NT5C2: variants seen among roughly 807,000 people sequenced by gnomAD.
NT5C2 encodes 5'-nucleotidase, cytosolic II, also known as cytosolic purine 5'-nucleotidase.
In NT5C2, 58 loss-of-function variants were observed where a neutral mutation model predicts 76.1. The observed-to-expected ratio is 0.76, with a 90% CI of 0.62 to 0.95. NT5C2 has a LOEUF of 0.95. Ranked by LOEUF, NT5C2 falls within the 40% of genes least tolerant of loss-of-function variation. The probability of loss-of-function intolerance (pLI) is 0.00; values close to 1 mark genes in which losing one functional copy is unlikely to be tolerated. For synonymous variants in NT5C2, 229 were observed against 237.4 expected (o/e 0.96, Z 0.32); for missense variants, 478 against 690.3 (o/e 0.69, Z 3.45).
chr10:103,094,707 A>C lies in NT5C2; in HGVS notation c.814-252T>G, dbSNP rs759753235. Among the ~76,000 whole-genome samples, 18 of 151,860 alleles carry C rather than the reference A, an allele frequency of 1.2e-4. 1 individual carries two copies. Among genetic ancestry groups the C allele is most frequent in the East Asian group, 3.9e-4 (2 of 5,186 alleles). On this transcript the variant is annotated intron_variant, in intron 12 of 18. Coordinates refer to ENST00000404739, the MANE Select transcript of NT5C2 (RefSeq NM_001351169.2). Reference sequence around the variant, plus strand: ...GACCATCCTGGCCAACATGGTGAAAACCTGTCTCTACTAAAACTACAAAAA... The same window carrying C: ...GACCATCCTGGCCAACATGGTGAAACCCTGTCTCTACTAAAACTACAAAAA...
chr10:103,137,256 G>A (rs1409793103), intron 4 of NT5C2, among the ~76,000 whole-genome samples: 1 of 152,110 alleles, frequency 6.6e-6, no homozygotes, highest in East Asian at 1.9e-4. Context: ...GATCTACATT[G>A]GGAAAGTATA....
At chr10:103,141,906 T>C (rs1349805753) in intron 3 of NT5C2, among the ~76,000 whole-genome samples, 2 of 152,194 alleles carry the variant, frequency 1.3e-5, no homozygotes, top group African/African-American at 2.4e-5. Context: ...GTAAGTACTA[T>C]AAAATAACAT....
intron 4 of NT5C2, among the ~76,000 whole-genome samples, chr10:103,107,117 G>A (rs1024678326): frequency 2.0e-5 from 3 of 152,108 alleles, no homozygotes; most frequent in Admixed American, 6.6e-5. Context: ...TGAAGGCTTC[G>A]GTGTTGTGCA....
intron 3 of NT5C2, among the ~76,000 whole-genome samples, chr10:103,152,755 T>G (rs948315786): frequency 6.6e-6 from 1 of 152,158 alleles, no homozygotes; most frequent in African/African-American, 2.4e-5. Context: ...ATTCAGACTC[T>G]GAAGCATAAG....
chr10:103,091,806 G>C (rs1590629706), intron 15 of NT5C2, among the ~76,000 whole-genome samples, 191 bp from the exon 16 acceptor site: 1 of 152,154 alleles, frequency 6.6e-6, no homozygotes. Flanking sequence ...TCTGACAACA[G>C]ATGAACACCA....
chr10:103,141,835 G>C (rs143679173), intron 3 of NT5C2, among the ~76,000 whole-genome samples: 2 of 152,256 alleles, frequency 1.3e-5, no homozygotes, highest in African/African-American at 4.8e-5. Context: ...AATTTACTCT[G>C]TTTATCCTTG....
intron 4 of NT5C2, among the ~76,000 whole-genome samples, chr10:103,130,565 TAAAAAAAAAATAAAAATTAAAA>T (rs1282950672): frequency 1.9e-4 from 18 of 96,052 alleles, no homozygotes; most frequent in Admixed American, 1.7e-3. Flanking sequence ...AAAATAAATT[TAAAAAAAAAATAAAAATTAAAA>T]AAAAAAAAAA....
At position 103,094,379 on chromosome 10, in the gene NT5C2, C is replaced by G; in HGVS notation, c.890G>C (p.Gly297Ala). 6.2e-7 allele frequency: 1 copy of G among 1,612,968 alleles called. No individual in the cohort carries two copies. Among genetic ancestry groups the G allele is most frequent in the East Asian group, 2.2e-5 (1 of 44,860 alleles). The change falls in exon 13 of 19, where the codon GGA (glycine) becomes GCA (alanine). Residue 297 changes from glycine to alanine, a missense_variant. By Grantham distance (60) the Gly-to-Ala change is moderately conservative (BLOSUM62 0). Coordinates refer to ENST00000404739, the MANE Select transcript of NT5C2 (RefSeq NM_001351169.2). ...LVDARKPLFF[G>A]EGTVLRQVDT... ...CACCTGACGCAGTACTGTGCCTTCT[C>G]CAAAAAAGAGTGGTTTCCGTGCATC... is the stretch of plus-strand genomic sequence containing the variant.
chr10:103,148,868 G>T (rs983277884), intron 3 of NT5C2, among the ~76,000 whole-genome samples: 2 of 152,076 alleles, frequency 1.3e-5, no homozygotes, highest in South Asian at 2.1e-4. Flanking sequence ...TTATATACCA[G>T]TAAGAAAAGG....
At chr10:103,176,329 C>T (rs1485952008) in intron 2 of NT5C2, among the ~76,000 whole-genome samples, 4 of 152,158 alleles carry the variant, frequency 2.6e-5, no homozygotes, top group Non-Finnish European at 5.9e-5. Flanking sequence ...ATGTAAAATG[C>T]TCCTCGCCTT....
At chr10:103,137,730 C>T (rs989729917) in intron 4 of NT5C2, among the ~76,000 whole-genome samples, 2 of 152,186 alleles carry the variant, frequency 1.3e-5, no homozygotes, top group Non-Finnish European at 2.9e-5. Context: ...AACTTGATCC[C>T]TCATCCCCAC....
intron 3 of NT5C2, among the ~76,000 whole-genome samples, chr10:103,160,444 A>C (rs971341069): frequency 1.3e-5 from 2 of 152,224 alleles, no homozygotes; most frequent in African/African-American, 4.8e-5. Context: ...CACTACCAAA[A>C]AAGTTATTAA....
At chr10:103,142,974 G>A (rs902096765) in intron 3 of NT5C2, among the ~76,000 whole-genome samples, 1 of 125,422 alleles carries the variant, frequency 8.0e-6, no homozygotes, top group Non-Finnish European at 1.6e-5. Context: ...GGGCTACAAA[G>A]CAAGATTCCA....
chr10:103,131,164 G>A (rs2078100508), intron 4 of NT5C2, among the ~76,000 whole-genome samples: 1 of 152,174 alleles, frequency 6.6e-6, no homozygotes, highest in African/African-American at 2.4e-5. Context: ...GATGTCCTAT[G>A]CAGACACTTC....
At chr10:103,191,346 C>T (rs1264046591) in intron 1 of NT5C2, among the ~76,000 whole-genome samples, 1 of 147,538 alleles carries the variant, frequency 6.8e-6, no homozygotes. Flanking sequence ...CATGCCATTG[C>T]ACTCCAGCCT....
intron 8 of NT5C2, 29 bp downstream of exon 8, chr10:103,101,016 G>A (rs1185703870): frequency 2.5e-6 from 3 of 1,221,478 alleles, no homozygotes; most frequent in South Asian, 1.3e-5. Flanking sequence ...AAAATCAATT[G>A]GAAAAAAATA....
At chr10:103,111,937 C>A in intron 4 of NT5C2, 1 of 473,336 alleles carries the variant, frequency 2.1e-6, no homozygotes, top group Non-Finnish European at 3.4e-6. Flanking sequence ...TACTGCCCTC[C>A]AATTTAGAAG....
intron 3 of NT5C2, chr10:103,153,172 A>C (rs935483932): frequency 1.9e-5 from 11 of 588,008 alleles, no homozygotes; most frequent in Non-Finnish European, 2.4e-5. Flanking sequence ...AATTTCTTTC[A>C]ATCTCTGCCT....
chr10:103,110,439 G>C (rs1411273044), intron 4 of NT5C2, among the ~76,000 whole-genome samples: 1 of 152,180 alleles, frequency 6.6e-6, no homozygotes, highest in African/African-American at 2.4e-5. Context: ...CTGGGCAACA[G>C]AGTGAGACTT....
Sources: allele counts gnomAD v4.1 joint callset (sites outside exome capture counted in the v4.1 genomes callset), GRCh38; gene constraint gnomAD v4.1.1; transcripts MANE v1.5; gene names NCBI Gene and HGNC (gene_info 2026-07-23, HGNC 2026-07-21).